THSD4: variants seen among roughly 807,000 people sequenced by gnomAD.
The protein encoded by THSD4 is thrombospondin type-1 domain-containing protein 4.
A neutral mutation model predicts 119.0 loss-of-function variants in THSD4; 69 were observed. That is an observed-to-expected ratio of 0.58 (90% CI 0.48 to 0.71). The LOEUF (loss-of-function observed/expected upper bound fraction) is 0.71. Ranked by LOEUF, THSD4 falls within the 30% of genes least tolerant of loss-of-function variation. The pLI, the probability that THSD4 is intolerant of heterozygous loss-of-function variation, is 0.00. For missense variants in THSD4, 1,393 were observed against 1,391.1 expected, an observed-to-expected ratio of 1.00 and a Z score of -0.02; for synonymous variants, 524 against 540.4, an observed-to-expected ratio of 0.97 and a Z score of 0.42.
At chr15:71,320,397 C>T (rs1036640732) in intron 6 of THSD4, among the ~76,000 whole-genome samples, 5 of 152,202 alleles carry the variant, frequency 3.3e-5, no homozygotes, top group African/African-American at 4.8e-5. Flanking sequence ...GCCCTTCTCA[C>T]GAGCAGGTCC....
chr15:71,164,257 T>C (rs1230680984), intron 3 of THSD4, among the ~76,000 whole-genome samples: 1 of 151,770 alleles, frequency 6.6e-6, no homozygotes, highest in Admixed American at 6.6e-5. Context: ...AGCAAAAGAC[T>C]AGCTTCCCCT....
chr15:71,389,962 A>G (rs1184267142), intron 6 of THSD4, among the ~76,000 whole-genome samples: 2 of 150,498 alleles, frequency 1.3e-5, no homozygotes, highest in African/African-American at 4.9e-5. Context: ...CCACCACCAC[A>G]CCCAGCTAAT....
At chr15:71,574,822 A>G (rs941439829) in intron 7 of THSD4, among the ~76,000 whole-genome samples, 6 of 152,176 alleles carry the variant, frequency 3.9e-5, no homozygotes, top group African/African-American at 1.4e-4. Flanking sequence ...AGGCATGAAC[A>G]GGTATAGCCA....
intron 7 of THSD4, among the ~76,000 whole-genome samples, chr15:71,573,728 A>G (rs2049400423): frequency 6.6e-6 from 1 of 152,222 alleles, no homozygotes. Context: ...GAGGTAGGTT[A>G]TGAATCAACT....
At chr15:71,144,616 A>G (rs184792876) in intron 2 of THSD4, among the ~76,000 whole-genome samples, 1 of 152,372 alleles carries the variant, frequency 6.6e-6, no homozygotes, top group Non-Finnish European at 1.5e-5. Context: ...GATTTCATTT[A>G]AAAACCCCTC....
chr15:71,411,945 C>A, intron 7 of THSD4, 122 bp downstream of exon 7: 1 of 1,327,846 alleles, frequency 7.5e-7, no homozygotes, highest in Non-Finnish European at 1.0e-6. Flanking sequence ...GCCACTCAAC[C>A]ATGCGCTCTG....
chr15:71,437,254 A>G (rs2140546486), intron 7 of THSD4, among the ~76,000 whole-genome samples: 1 of 152,336 alleles, frequency 6.6e-6, no homozygotes, highest in Admixed American at 6.5e-5. Context: ...TTCATGAGCG[A>G]TCCACTCCCA....
intron 12 of THSD4, 109 bp downstream of exon 12, chr15:71,745,344 C>G (rs545401638): frequency 4.9e-6 from 7 of 1,418,040 alleles, no homozygotes; most frequent in Middle Eastern, 3.9e-4. Flanking sequence ...GTTAGAAATA[C>G]AAGACTTGGA....
upstream of THSD4, chr15:71,113,500 AGC>A (rs2040323191): frequency 6.6e-6 from 1 of 152,204 alleles, no homozygotes; most frequent in Non-Finnish European, 1.5e-5. Flanking sequence ...TTTGCTCCTG[AGC>A]CCTGTTCGCC....
chr15:71,441,531 GACTACAGGTGTGCGCC>G (rs1361168194), intron 7 of THSD4, among the ~76,000 whole-genome samples: 1 of 150,500 alleles, frequency 6.6e-6, no homozygotes, highest in East Asian at 2.0e-4. Context: ...GAGTAGCTGG[GACTACAGGTGTGCGCC>G]ACCACACCAG....
intron 6 of THSD4, among the ~76,000 whole-genome samples, chr15:71,378,152 C>T (rs1292112262): frequency 6.6e-6 from 1 of 151,908 alleles, no homozygotes; most frequent in Non-Finnish European, 1.5e-5. Flanking sequence ...TTTATTATAA[C>T]TATTGATTCT....
At position 71,409,566 on chromosome 15, in the gene THSD4, C is replaced by T. The variant is rs191409833; in HGVS notation, c.1016-2121C>T. Among the ~76,000 whole-genome samples the T allele has an allele frequency of 4.1e-3, 629 of 152,248 alleles. 3 individuals carry two copies. Among genetic ancestry groups the T allele is most frequent in the Non-Finnish European group, 5.5e-3 (377 of 68,012 alleles). On this transcript the variant is annotated intron_variant, in intron 6 of 17. Transcript: ENST00000261862. Reference sequence around the variant, plus strand: ...TCTTTTATTTTTTCCCCCAAATCACCTCTTACATCTTTTGGGCAGCCAAGG... The same window carrying T: ...TCTTTTATTTTTTCCCCCAAATCACTTCTTACATCTTTTGGGCAGCCAAGG...
In THSD4 at chr15:71,660,682, G is replaced by A; in HGVS notation, c.1305G>A (p.Glu435=). 1.2e-6 allele frequency: 2 copies of A among 1,614,154 alleles called. No homozygotes were observed. The highest frequency in any genetic ancestry group is 1.7e-6 in the Non-Finnish European group (2 of 1,180,018). ...ACCACCGCGTCGTGGAGATTCCCGA[G>A]GGAGCCACGAAAATCAACATCACGG... is the stretch of plus-strand genomic sequence containing the variant. ...LGYHRVVEIP[E]GATKINITEM... is the part of the protein sequence containing the mutation. The change falls in exon 8 of 18, where the codon GAG becomes GAA. Residue 435 remains glutamate (E), a synonymous_variant. Coordinates refer to ENST00000261862, the MANE Select transcript of THSD4 (RefSeq NM_024817.3).
chr15:71,253,686 C>G (rs749772786), intron 5 of THSD4, among the ~76,000 whole-genome samples: 4 of 152,220 alleles, frequency 2.6e-5, no homozygotes, highest in South Asian at 4.2e-4. Context: ...AGGATTATAG[C>G]CGTGAGCCAC....
chr15:71,629,865 T>G (rs1446517535), intron 7 of THSD4, among the ~76,000 whole-genome samples: 3 of 152,170 alleles, frequency 2.0e-5, no homozygotes, highest in Admixed American at 6.5e-5. Context: ...AGGAGCCTAT[T>G]TCCTCGGGTT....
In THSD4 at chr15:71,609,293, G is replaced by A. The variant is rs1054095057; in HGVS notation, c.1153-51237G>A. On this transcript the variant is annotated intron_variant, in intron 7 of 17. Coordinates refer to ENST00000261862, the MANE Select transcript of THSD4 (RefSeq NM_024817.3). ...AAGCCACTGCAGGACTTTCTAAACA[G>A]CACTGTATAGTTCATCACTGTGGAA... is the stretch of plus-strand genomic sequence containing the variant. Among the ~76,000 whole-genome samples, 7 of 152,304 alleles carry A rather than the reference G, an allele frequency of 4.6e-5. No homozygotes were observed. The South Asian group carries it at 6.2e-4, about 14-fold the overall frequency.
chr15:71,680,119 G>T (rs1044405047), intron 8 of THSD4, among the ~76,000 whole-genome samples: 1 of 152,202 alleles, frequency 6.6e-6, no homozygotes, highest in Non-Finnish European at 1.5e-5. Flanking sequence ...TTGGGAGTTG[G>T]AAATTTAGGT....
chr15:71,409,987 T>C (rs1286905499), intron 6 of THSD4, among the ~76,000 whole-genome samples: 1 of 152,162 alleles, frequency 6.6e-6, no homozygotes, highest in African/African-American at 2.4e-5. Context: ...TTCATTCTTA[T>C]TTTGGAAGCA....
chr15:71,393,080 TG>T lies in THSD4; in HGVS notation c.1016-18604del, dbSNP rs535832137. On this transcript the variant is annotated intron_variant, in intron 6 of 17. Transcript: ENST00000261862. ...TGAAATGCTTGCATTTGATTGTGATTGGGATGGATTGACGTCTTTTAAAGTC... is the reference window on the plus strand; with the variant it reads ...TGAAATGCTTGCATTTGATTGTGATTGGATGGATTGACGTCTTTTAAAGTC... Among the ~76,000 whole-genome samples the T allele has an allele frequency of 8.5e-5, 13 of 152,294 alleles. No homozygotes were observed. In the East Asian group the frequency reaches 2.5e-3, roughly 29 times the overall value.
Sources: allele counts gnomAD v4.1 joint callset (sites outside exome capture counted in the v4.1 genomes callset), GRCh38; gene constraint gnomAD v4.1.1; transcripts MANE v1.5; gene names NCBI Gene and HGNC (gene_info 2026-07-23, HGNC 2026-07-21).